The following CCNYL1 variants were observed in gnomAD, a reference collection of about 807,000 sequenced individuals.
The protein encoded by CCNYL1 is cyclin-Y-like protein 1.
A neutral mutation model predicts 44.2 loss-of-function variants in CCNYL1; 16 were observed. That is an observed-to-expected ratio of 0.36 (90% CI 0.25 to 0.55). The LOEUF is 0.55. CCNYL1 is among the 20% of genes least tolerant of loss of function. The pLI is 0.85. For synonymous variants in CCNYL1, 159 were observed against 163.2 expected (o/e 0.97, Z 0.20); for missense variants, 348 against 451.8 (o/e 0.77, Z 2.08).
intron 2 of CCNYL1, among the ~76,000 whole-genome samples, chr2:207,725,123 T>C (rs1019755861): frequency 1.1e-4 from 13 of 122,258 alleles, no homozygotes; most frequent in Non-Finnish European, 1.5e-4. Flanking sequence ...TTTAGTAACA[T>C]GGATTTTTTT....
chr2:207,723,068 A>G (rs1255177558), intron 1 of CCNYL1, among the ~76,000 whole-genome samples: 5 of 152,172 alleles, frequency 3.3e-5, no homozygotes, highest in African/African-American at 7.2e-5. Context: ...TTGTCACGTC[A>G]TCTTTTCAAG....
intron 1 of CCNYL1, among the ~76,000 whole-genome samples, chr2:207,716,032 G>A (rs574663287): frequency 2.1e-4 from 32 of 152,248 alleles, no homozygotes; most frequent in African/African-American, 7.7e-4. Context: ...TAGACTCAAA[G>A]TATTTTCTAC....
intron 8 of CCNYL1, among the ~76,000 whole-genome samples, chr2:207,748,942 G>A (rs538566374): frequency 3.9e-5 from 6 of 152,348 alleles, no homozygotes; most frequent in African/African-American, 9.6e-5. Flanking sequence ...GCTGTCATCC[G>A]TCTGCAAACT....
rs1382145983 is a variant in CCNYL1, at chr2:207,755,545, T to A, written c.*1847T>A. 6.6e-6 allele frequency: 1 copy of A among 152,272 alleles called. No individual in the cohort carries two copies. The highest frequency in any genetic ancestry group is 1.5e-5 in the Non-Finnish European group (1 of 68,046). 9.4% of individuals were successfully genotyped at this position (152,272 alleles called of 1,614,324 possible). A position where few individuals can be genotyped will look rare whatever the true frequency, so the allele number is the denominator to read the frequency against. On this transcript the variant is annotated 3_prime_UTR_variant, in exon 10 of 10. Coordinates refer to ENST00000295414, the MANE Select transcript of CCNYL1 (RefSeq NM_001330218.2). ...TAGTTACCCGCAGAGCTGTGCTCTA[T>A]ATGCTTTGATTACCGCAGTTTCTTT... is the stretch of plus-strand genomic sequence containing the variant.
intron 4 of CCNYL1, among the ~76,000 whole-genome samples, chr2:207,737,186 A>C (rs1331000033): frequency 2.0e-5 from 3 of 152,136 alleles, no homozygotes; most frequent in Non-Finnish European, 4.4e-5. Context: ...AAGTGCTGGG[A>C]TTACAGGCGT....
intron 4 of CCNYL1, among the ~76,000 whole-genome samples, chr2:207,736,417 G>T (rs2091765009): frequency 2.0e-5 from 3 of 152,148 alleles, no homozygotes; most frequent in Admixed American, 2.0e-4. Context: ...GGTAATTTAG[G>T]AATACAGTAA....
chr2:207,737,066 C>A (rs1408109604), intron 4 of CCNYL1, among the ~76,000 whole-genome samples: 1 of 152,162 alleles, frequency 6.6e-6, no homozygotes, highest in African/African-American at 2.4e-5. Flanking sequence ...CAGGCGCCTG[C>A]TACCACGCCC....
At chr2:207,744,095 C>G (rs57903761) in intron 7 of CCNYL1, among the ~76,000 whole-genome samples, 29,362 of 151,968 alleles carry the variant, frequency 0.19, 4,973 homozygotes, top group African/African-American at 0.44. Flanking sequence ...GAGGGGCTCA[C>G]TATTTTAGAT....
intron 1 of CCNYL1, among the ~76,000 whole-genome samples, chr2:207,719,718 GC>G (rs1343857509): frequency 6.6e-6 from 1 of 152,028 alleles, no homozygotes; most frequent in Non-Finnish European, 1.5e-5. Context: ...AATTGAGTTT[GC>G]CAAGGTTTTT....
chr2:207,732,491 C>T (rs763456288), intron 3 of CCNYL1, among the ~76,000 whole-genome samples: 1 of 152,146 alleles, frequency 6.6e-6, no homozygotes, highest in Non-Finnish European at 1.5e-5. Flanking sequence ...GACCTTCTCC[C>T]TGCCCTGTCT....
chr2:207,743,347 C>T (rs1006591396), intron 7 of CCNYL1, among the ~76,000 whole-genome samples: 2 of 152,172 alleles, frequency 1.3e-5, no homozygotes, highest in African/African-American at 4.8e-5. Flanking sequence ...GTAGCAGTGA[C>T]AGTGTCCAAT....
chr2:207,722,598 T>C (rs1302064977), intron 1 of CCNYL1, among the ~76,000 whole-genome samples: 1 of 152,168 alleles, frequency 6.6e-6, no homozygotes, highest in African/African-American at 2.4e-5. Flanking sequence ...ACATTAGTTA[T>C]TTTTTAGATT....
chr2:207,725,238 T>A (rs1223694633), intron 2 of CCNYL1, among the ~76,000 whole-genome samples: 1 of 151,634 alleles, frequency 6.6e-6, no homozygotes, highest in Non-Finnish European at 1.5e-5. Context: ...GCAATTCTCC[T>A]GCCTCAGCCT....
chr2:207,753,489 T>G, intron 9 of CCNYL1, 99 bp from the exon 10 acceptor site: 3 of 776,042 alleles, frequency 3.9e-6, no homozygotes, highest in Non-Finnish European at 6.7e-6. Flanking sequence ...GTGAACTATC[T>G]AAAGGAGTCC....
chr2:207,724,421 C>G (rs971449990), intron 1 of CCNYL1, among the ~76,000 whole-genome samples: 1 of 152,226 alleles, frequency 6.6e-6, no homozygotes, highest in African/African-American at 2.4e-5. Context: ...CTGGCCACAG[C>G]ATCACTTGCT....
intron 1 of CCNYL1, among the ~76,000 whole-genome samples, chr2:207,717,469 C>G (rs2091605971): frequency 6.6e-6 from 1 of 152,132 alleles, no homozygotes; most frequent in Non-Finnish European, 1.5e-5. Flanking sequence ...AACTCTGATC[C>G]TTACATTCTG....
chr2:207,714,442 G>A (rs544273762), intron 1 of CCNYL1: 17 of 380,840 alleles, frequency 4.5e-5, no homozygotes, highest in Middle Eastern at 9.4e-4. Context: ...GACCACGGGC[G>A]TGTGCCATCT....
At chr2:207,750,708 G>A (rs2091885045) in intron 8 of CCNYL1, 3 of 375,930 alleles carry the variant, frequency 8.0e-6, no homozygotes, top group South Asian at 5.8e-5. Context: ...AATGAGGCCC[G>A]AGTCAGCAGC....
intron 6 of CCNYL1, among the ~76,000 whole-genome samples, chr2:207,741,359 A>G (rs11683791): frequency 0.36 from 55,137 of 152,136 alleles, 10,656 homozygotes; most frequent in Middle Eastern, 0.53. Context: ...CTGTGGATAG[A>G]AAGTGGAAAG....
Sources: allele counts gnomAD v4.1 joint callset (sites outside exome capture counted in the v4.1 genomes callset), GRCh38; gene constraint gnomAD v4.1.1; transcripts MANE v1.5; gene names NCBI Gene and HGNC (gene_info 2026-07-23, HGNC 2026-07-21).